The following RGS17 variants were observed in gnomAD, a reference collection of about 807,000 sequenced individuals.
RGS17 encodes the protein regulator of G-protein signaling 17.
RGS17 carries 12 observed loss-of-function variants against 25.5 expected under a neutral mutation model. That is an observed-to-expected ratio of 0.47 (90% CI 0.30 to 0.76). The LOEUF (loss-of-function observed/expected upper bound fraction) is 0.76, where lower values mean the gene tolerates loss of function less well. Among genes scored for constraint, RGS17 ranks in the 30% least tolerant of loss-of-function variants. RGS17 has a pLI of 0.07. For missense variants in RGS17, 196 were observed against 242.2 expected (o/e 0.81, Z 1.27); for synonymous variants, 71 against 76.9 (o/e 0.92, Z 0.40).
At chr6:153,025,016 T>C (rs1779284884) in intron 3 of RGS17, among the ~76,000 whole-genome samples, 1 of 152,126 alleles carries the variant, frequency 6.6e-6, no homozygotes, top group African/African-American at 2.4e-5. Context: ...TCCTAAACTT[T>C]AATAATTTTT....
intron 1 of RGS17, among the ~76,000 whole-genome samples, chr6:153,115,424 A>G (rs1381546059): frequency 1.3e-5 from 2 of 152,214 alleles, no homozygotes; most frequent in Non-Finnish European, 2.9e-5. Flanking sequence ...CAAGGAAATA[A>G]GAGAGGACAC....
chr6:153,077,853 A>G (rs890906647), intron 1 of RGS17, among the ~76,000 whole-genome samples: 5 of 150,788 alleles, frequency 3.3e-5, no homozygotes, highest in African/African-American at 1.2e-4. Context: ...CTCTAATGTG[A>G]GCAAATGACT....
At chr6:153,054,076 ATACACACAATATTTTT>A (rs1432386822) in intron 1 of RGS17, among the ~76,000 whole-genome samples, 237 of 28,920 alleles carry the variant, frequency 8.2e-3, no homozygotes, top group Non-Finnish European at 0.012. Context: ...ACATATATAT[ATACACACAATATTTTT>A]TATATATATA....
chr6:153,121,248 T>C (rs1019296794), intron 1 of RGS17, among the ~76,000 whole-genome samples: 1 of 152,204 alleles, frequency 6.6e-6, no homozygotes, highest in Non-Finnish European at 1.5e-5. Context: ...TATTTACCAA[T>C]GCACCGAAAG....
chr6:153,026,126 T>C (rs1779299239), intron 3 of RGS17, among the ~76,000 whole-genome samples: 1 of 152,186 alleles, frequency 6.6e-6, no homozygotes, highest in Non-Finnish European at 1.5e-5. Context: ...TAGACACTTC[T>C]CTTATAAAGA....
intron 1 of RGS17, among the ~76,000 whole-genome samples, chr6:153,112,938 G>C (rs1027622863): frequency 2.0e-5 from 3 of 152,218 alleles, no homozygotes; most frequent in African/African-American, 7.2e-5. Context: ...AATATGGGAA[G>C]GAAAAACCAG....
At chr6:153,081,159 T>C (rs1776973685) in intron 1 of RGS17, among the ~76,000 whole-genome samples, 1 of 152,152 alleles carries the variant, frequency 6.6e-6, no homozygotes, top group Non-Finnish European at 1.5e-5. Context: ...TTCTCTAGCC[T>C]TTCTACTTGT....
chr6:153,059,017 C>T (rs907549957), intron 1 of RGS17, among the ~76,000 whole-genome samples: 1 of 151,824 alleles, frequency 6.6e-6, no homozygotes, highest in Non-Finnish European at 1.5e-5. Flanking sequence ...CTGGTCCTTA[C>T]TCTGGGTGGT....
chr6:153,020,327 G>A (rs1027700894), intron 4 of RGS17, among the ~76,000 whole-genome samples: 1 of 149,730 alleles, frequency 6.7e-6, no homozygotes, highest in African/African-American at 2.5e-5. Flanking sequence ...CTAATTTTTT[G>A]TATTTTTAGT....
chr6:153,128,630 C>A (rs923213521), intron 1 of RGS17, among the ~76,000 whole-genome samples: 4 of 152,106 alleles, frequency 2.6e-5, no homozygotes, highest in African/African-American at 7.2e-5. Flanking sequence ...TAAGATCAAA[C>A]GGGTAAGAAT....
At chr6:153,071,014 C>T (rs111218585) in intron 1 of RGS17, among the ~76,000 whole-genome samples, 6,448 of 149,452 alleles carry the variant, frequency 0.043, 238 homozygotes, top group Admixed American at 0.13. Flanking sequence ...TGTATATGCA[C>T]GTATGTGTAT....
At chr6:153,093,858 G>A (rs1777167838) in intron 1 of RGS17, among the ~76,000 whole-genome samples, 1 of 152,068 alleles carries the variant, frequency 6.6e-6, no homozygotes, top group Non-Finnish European at 1.5e-5. Flanking sequence ...AAATCCCTGG[G>A]TAATCTTTGA....
intron 4 of RGS17, among the ~76,000 whole-genome samples, chr6:153,022,562 T>C (rs957832400): frequency 6.6e-6 from 1 of 152,174 alleles, no homozygotes; most frequent in African/African-American, 2.4e-5. Context: ...CAACTATCAC[T>C]TTAAGATGTC....
chr6:153,097,480 A>AT (rs1286961191), intron 1 of RGS17, among the ~76,000 whole-genome samples: 1 of 151,740 alleles, frequency 6.6e-6, no homozygotes, highest in African/African-American at 2.4e-5. Context: ...CCCAGGAATG[A>AT]TAGGACATTA....
chr6:153,096,826 A>G (rs1424569404), intron 1 of RGS17, among the ~76,000 whole-genome samples: 3 of 152,180 alleles, frequency 2.0e-5, no homozygotes, highest in Admixed American at 2.0e-4. Flanking sequence ...TTTCTATTTC[A>G]GGTAAATTTA....
chr6:153,042,132 T>C (rs963777278), intron 2 of RGS17, among the ~76,000 whole-genome samples: 1 of 152,234 alleles, frequency 6.6e-6, no homozygotes, highest in Admixed American at 6.5e-5. Flanking sequence ...AGACCAGAGC[T>C]AGATAATCTC....
chr6:153,097,789 G>A (rs375853263), intron 1 of RGS17, among the ~76,000 whole-genome samples: 2 of 152,228 alleles, frequency 1.3e-5, no homozygotes, highest in South Asian at 4.1e-4. Context: ...TGCCTGGAGT[G>A]AAGATTGGTG....
chr6:153,122,409 A>C (rs1036285805), intron 1 of RGS17, among the ~76,000 whole-genome samples: 1 of 152,184 alleles, frequency 6.6e-6, no homozygotes, highest in Non-Finnish European at 1.5e-5. Flanking sequence ...CATCATTTAT[A>C]TAAACATAGG....
At chr6:153,119,006 A>T (rs887001890) in intron 1 of RGS17, among the ~76,000 whole-genome samples, 2 of 152,166 alleles carry the variant, frequency 1.3e-5, no homozygotes, top group Non-Finnish European at 2.9e-5. Context: ...GAATATATGC[A>T]TGTATACATG....
Sources: allele counts gnomAD v4.1 joint callset (sites outside exome capture counted in the v4.1 genomes callset), GRCh38; gene constraint gnomAD v4.1.1; transcripts MANE v1.5; gene names NCBI Gene and HGNC (gene_info 2026-07-23, HGNC 2026-07-21).